Variants in ANKS3 observed in about 807,000 individuals in gnomAD.
ANKS3 encodes ankyrin repeat and SAM domain-containing protein 3.
Under a neutral mutation model 80.7 loss-of-function variants are expected in ANKS3, and 62 were observed. That is an observed-to-expected ratio of 0.77 (90% CI 0.63 to 0.95). The LOEUF (loss-of-function observed/expected upper bound fraction) is 0.95. Among genes scored for constraint, ANKS3 ranks in the 40% least tolerant of loss-of-function variants. ANKS3 has a pLI of 0.00. For missense variants in ANKS3, 1,150 were observed against 883.6 expected, an observed-to-expected ratio of 1.30 and a Z score of -3.82; for synonymous variants, 489 against 355.3, an observed-to-expected ratio of 1.38 and a Z score of -4.23.
In ANKS3 at chr16:4,701,094, G is replaced by C. The variant is rs765193230; in HGVS notation, c.1160C>G (p.Ala387Gly). ...ATTCTTGGTCTTCATGTAACTTTTA[G>C]CTTGTTTGCGAGCTGAGCTTTTACA... ...HACKSSARKQ[A>G]KSYMKTKNPD... is the part of the protein sequence containing the mutation. The change falls in exon 11 of 18, where the codon GCT becomes GGT. Residue 387 changes from alanine to glycine, a missense_variant. Physicochemically the swap from Ala to Gly is moderately conservative, Grantham distance 60. Coordinates refer to ENST00000304283, the MANE Select transcript of ANKS3 (RefSeq NM_133450.4). The C allele has an allele frequency of 1.2e-6, 2 of 1,613,944 alleles. No homozygotes were observed. The highest frequency in any genetic ancestry group is 1.3e-5 in the African/African-American group (1 of 74,918).
At position 4,699,136 on chromosome 16, in the gene ANKS3, T is replaced by A. The variant is rs1264372311; in HGVS notation, c.1325A>T (p.Tyr442Phe). ...ALLEQIGCLK[Y>F]LQVFEEQDVD... ...GTCCTGCTCCTCAAACACCTGCAGG[T>A]ACTTCAGACACCCGATCTGCTCCAG... is the stretch of plus-strand genomic sequence containing the variant. Residue 442 changes from tyrosine to phenylalanine, a missense_variant, in exon 12 of 18, where the codon TAC (tyrosine) becomes TTC (phenylalanine). Transcript: ENST00000304283. 1 of 1,614,032 alleles carries A rather than the reference T, an allele frequency of 6.2e-7. No homozygotes were observed. Among genetic ancestry groups the A allele is most frequent in the Non-Finnish European group, 8.5e-7 (1 of 1,180,006 alleles).
intron 1 of ANKS3, among the ~76,000 whole-genome samples, chr16:4,732,326 C>A (rs769578601): frequency 3.9e-5 from 6 of 152,078 alleles, no homozygotes; most frequent in Non-Finnish European, 8.8e-5. Flanking sequence ...CTCCCTCAAG[C>A]CTTCACTGGG....
rs35899381 is a variant in ANKS3, at chr16:4,711,098, ATT to A, written c.709+2951_709+2952del. On this transcript the variant is annotated intron_variant, in intron 7 of 17. Transcript: ENST00000304283. The stretch of plus-strand genomic sequence containing the variant: ...GCCACTGCACCCAGCCTGAAACAGA[ATT>A]TTTTTTTTTTTTTTTTTTTTGAGAC... Among the ~76,000 whole-genome samples the A allele has an allele frequency of 7.6e-3, 796 of 104,436 alleles. 8 individuals carry two copies. Among genetic ancestry groups the A allele is most frequent in the African/African-American group, 0.028 (744 of 26,880 alleles). The allele number at this position is 104,436 out of a possible 152,430, so 68.5% of individuals were successfully genotyped here. A position where few individuals can be genotyped will look rare whatever the true frequency, so the allele number is the denominator to read the frequency against.
intron 7 of ANKS3, among the ~76,000 whole-genome samples, chr16:4,706,543 T>G (rs1684617): frequency 0.45 from 67,830 of 152,114 alleles, 15,824 homozygotes; most frequent in East Asian, 0.75. Flanking sequence ...AGCCACAATT[T>G]TGTATTTTCT....
chr16:4,711,751 A>G (rs1225317989), intron 7 of ANKS3, among the ~76,000 whole-genome samples: 1 of 151,386 alleles, frequency 6.6e-6, no homozygotes, highest in Non-Finnish European at 1.5e-5. Context: ...AGAAAATATT[A>G]TCTTGTAGAC....
intron 7 of ANKS3, among the ~76,000 whole-genome samples, chr16:4,709,455 C>T (rs1185761152): frequency 2.6e-5 from 4 of 151,778 alleles, no homozygotes. Context: ...CCAGCAATTC[C>T]ACTACTGGGT....
intron 8 of ANKS3, 47 bp from the exon 9 acceptor site, chr16:4,702,289 ACCT>A: frequency 7.0e-7 from 1 of 1,419,396 alleles, no homozygotes; most frequent in South Asian, 1.6e-5. Context: ...CCAAAGTGAA[ACCT>A]CCTCAGAGGC....
chr16:4,697,001 G>A lies in ANKS3; in HGVS notation c.*11+16C>T, dbSNP rs761758063. ...GCTGCTCCCACCACGCGGGATCCAG[G>A]CTGGCAGACACTCACCGGCCCGCAG... On this transcript the variant is annotated intron_variant, in intron 17 of 17. Transcript: ENST00000304283. The A allele has an allele frequency of 4.3e-6, 7 of 1,610,612 alleles. 1 individual carries two copies. The South Asian group carries it at 5.5e-5, about 13-fold the overall frequency.
rs755995580 is a variant in ANKS3, at chr16:4,730,145, G to A, written c.5C>T (p.Ser2Phe). 2 of 1,552,952 alleles carry A rather than the reference G, an allele frequency of 1.3e-6. No individual in the cohort carries two copies. The highest frequency in any genetic ancestry group is 2.4e-5 in the South Asian group (2 of 83,072). Residue 2 changes from serine to phenylalanine, a missense_variant, in exon 3 of 18, where the codon TCC becomes TTC. Transcript: ENST00000304283. ...CTCGCTGGCTTCATCGCTGAGCTCGGACATCACTGAGGAGGAAGGCCCAAG... is the reference window on the plus strand; with the variant it reads ...CTCGCTGGCTTCATCGCTGAGCTCGAACATCACTGAGGAGGAAGGCCCAAG... M[S>F]ELSDEASEPE...
At chr16:4,716,283 C>T (rs934799813) in intron 6 of ANKS3, among the ~76,000 whole-genome samples, 1 of 150,770 alleles carries the variant, frequency 6.6e-6, no homozygotes, top group Non-Finnish European at 1.5e-5. Context: ...ATCGCTTGAA[C>T]CCAGGAGGTG....
At chr16:4,722,091 G>A (rs1567420306) in intron 6 of ANKS3, among the ~76,000 whole-genome samples, 1 of 151,446 alleles carries the variant, frequency 6.6e-6, no homozygotes, top group Non-Finnish European at 1.5e-5. Context: ...CGCAGGCAGG[G>A]TGGGGGACAG....
intron 6 of ANKS3, among the ~76,000 whole-genome samples, chr16:4,721,230 G>C (rs151281797): frequency 6.7e-6 from 1 of 148,746 alleles, no homozygotes; most frequent in Admixed American, 6.8e-5. Context: ...GTGTGAACCC[G>C]GAAGTCTGAG....
chr16:4,714,466 C>G lies in ANKS3; in HGVS notation c.574-280G>C, dbSNP rs754110123. Among the ~76,000 whole-genome samples, 3 of 152,242 alleles carry G rather than the reference C, an allele frequency of 2.0e-5. No individual in the cohort carries two copies. The East Asian group carries it at 5.8e-4, about 29-fold the overall frequency. Reference sequence around the variant, plus strand: ...TTGCAGGGGGCTGGCAGCCACCATGCGGAGATCCCAGCCTTCACCTTCTGC... The same window carrying G: ...TTGCAGGGGGCTGGCAGCCACCATGGGGAGATCCCAGCCTTCACCTTCTGC... On this transcript the variant is annotated intron_variant, in intron 6 of 17. Transcript: ENST00000304283.
Position 4,701,561 on chromosome 16 carries a change from G to A in ANKS3, c.1010-18C>T. The A allele has an allele frequency of 8.8e-6, 14 of 1,598,048 alleles. No homozygotes were observed. The highest frequency in any genetic ancestry group is 1.7e-5 in the Admixed American group (1 of 58,932). On this transcript the variant is annotated intron_variant, in intron 9 of 17. Coordinates refer to ENST00000304283, the MANE Select transcript of ANKS3 (RefSeq NM_133450.4). The stretch of plus-strand genomic sequence containing the variant: ...ATGTTCCTCTGAGGGCGGGAAGACA[G>A]GGCGTCCGCCTGCAGCCCTCACCGA...
At chr16:4,725,028 G>A in intron 5 of ANKS3, 197 bp from the exon 6 acceptor site, 1 of 485,846 alleles carries the variant, frequency 2.1e-6, no homozygotes, top group Non-Finnish European at 3.7e-6. Flanking sequence ...TCTGGTGTCT[G>A]TCCCCAGGGC....
At chr16:4,703,098 A>G (rs569209036) in intron 8 of ANKS3, among the ~76,000 whole-genome samples, 2 of 152,332 alleles carry the variant, frequency 1.3e-5, no homozygotes, top group Admixed American at 6.5e-5. Flanking sequence ...TAATCAGCAC[A>G]TGCTATTTAT....
chr16:4,722,331 A>G (rs1247776557), intron 6 of ANKS3, among the ~76,000 whole-genome samples: 2 of 151,708 alleles, frequency 1.3e-5, no homozygotes, highest in Non-Finnish European at 2.9e-5. Flanking sequence ...CTGTAATCCC[A>G]GCACTTTGGG....
At chr16:4,732,335 G>A (rs2081666127) in intron 1 of ANKS3, among the ~76,000 whole-genome samples, 2 of 152,022 alleles carry the variant, frequency 1.3e-5, no homozygotes, top group Non-Finnish European at 2.9e-5. Flanking sequence ...GCCTTCACTG[G>A]GCATGTCTCT....
intron 10 of ANKS3, 109 bp downstream of exon 10, chr16:4,701,325 C>A: frequency 7.7e-7 from 1 of 1,302,790 alleles, no homozygotes; most frequent in South Asian, 1.4e-5. Context: ...GCAGCACACA[C>A]GTGCAGCAGC....
Sources: allele counts gnomAD v4.1 joint callset (sites outside exome capture counted in the v4.1 genomes callset), GRCh38; gene constraint gnomAD v4.1.1; transcripts MANE v1.5; gene names NCBI Gene and HGNC (gene_info 2026-07-23, HGNC 2026-07-21).